PEBP4: variants seen among roughly 807,000 people sequenced by gnomAD.
The protein encoded by PEBP4 is phosphatidylethanolamine-binding protein 4.
Under a neutral mutation model 23.9 loss-of-function variants are expected in PEBP4, and 22 were observed. The ratio of observed to expected loss-of-function variants is 0.92; its 90% CI spans 0.66 to 1.31. The LOEUF (loss-of-function observed/expected upper bound fraction) is 1.31. Among genes scored for constraint, PEBP4 ranks in the 40% most tolerant of loss-of-function variants. The pLI is 0.00. For missense variants in PEBP4, 324 were observed against 281.7 expected (o/e 1.15, Z -1.07); for synonymous variants, 112 against 99.3 (o/e 1.13, Z -0.76).
intron 3 of PEBP4, among the ~76,000 whole-genome samples, chr8:22,860,659 T>C (rs886666179): frequency 6.6e-6 from 1 of 152,186 alleles, no homozygotes; most frequent in African/African-American, 2.4e-5. Context: ...TCTGACTCTA[T>C]CTTCAAAGCT....
intron 4 of PEBP4, among the ~76,000 whole-genome samples, chr8:22,792,638 C>T (rs572543022): frequency 9.2e-5 from 14 of 152,080 alleles, no homozygotes; most frequent in Non-Finnish European, 2.1e-4. Context: ...TGATAGGTAG[C>T]AAATTTCGTT....
chr8:22,762,657 G>A (rs1009306220), intron 4 of PEBP4, among the ~76,000 whole-genome samples: 6 of 152,130 alleles, frequency 3.9e-5, no homozygotes, highest in African/African-American at 7.2e-5. Flanking sequence ...GCAAGTCTCC[G>A]AGAGGTAGAA....
At chr8:22,933,752 T>C (rs1809496314) in intron 1 of PEBP4, among the ~76,000 whole-genome samples, 1 of 152,196 alleles carries the variant, frequency 6.6e-6, no homozygotes, top group Non-Finnish European at 1.5e-5. Flanking sequence ...TTGTTTGAGG[T>C]AAACACACAG....
intron 2 of PEBP4, among the ~76,000 whole-genome samples, chr8:22,924,102 C>T (rs1809271916): frequency 6.6e-6 from 1 of 152,146 alleles, no homozygotes; most frequent in Admixed American, 6.5e-5. Context: ...GCAGTGCATG[C>T]CTGTAATACC....
chr8:22,819,185 T>A (rs1160956771), intron 3 of PEBP4, among the ~76,000 whole-genome samples: 2 of 151,802 alleles, frequency 1.3e-5, no homozygotes. Context: ...TAAAACATGC[T>A]ACAATTGAGA....
chr8:22,867,682 A>G (rs953627296), intron 3 of PEBP4, among the ~76,000 whole-genome samples: 1 of 152,202 alleles, frequency 6.6e-6, no homozygotes, highest in Non-Finnish European at 1.5e-5. Context: ...TTCAGTGCAC[A>G]GAATGCAGAC....
At chr8:22,829,535 A>G (rs1807038131) in intron 3 of PEBP4, among the ~76,000 whole-genome samples, 1 of 151,624 alleles carries the variant, frequency 6.6e-6, no homozygotes, top group South Asian at 2.1e-4. Context: ...AAGGCTTGCA[A>G]CTCCCCAGTG....
At chr8:22,926,135 C>G (rs1809324956) in intron 2 of PEBP4, among the ~76,000 whole-genome samples, 1 of 150,372 alleles carries the variant, frequency 6.7e-6, no homozygotes, top group African/African-American at 2.4e-5. Context: ...GCCACCATGC[C>G]CGGCTAATTT....
Position 22,860,209 on chromosome 8 carries a change from C to CACAT in PEBP4, c.259-42475_259-42474insATGT, listed in dbSNP as rs1807746604. Among the ~76,000 whole-genome samples the CACAT allele has an allele frequency of 4.7e-5, 5 of 106,184 alleles. 1 individual carries two copies. Among genetic ancestry groups the CACAT allele is most frequent in the African/African-American group, 1.2e-4 (3 of 24,196 alleles). The allele number at this position is 106,184 out of a possible 152,430, so 69.7% of individuals were successfully genotyped here. ...ATATATATGTATATATATATATACA[C>CACAT]ATATATGTATATATATATATGGTGC... On this transcript the variant is annotated intron_variant, in intron 3 of 6. Transcript: ENST00000256404.
At chr8:22,818,679 A>C (rs1019431895) in intron 3 of PEBP4, among the ~76,000 whole-genome samples, 1 of 152,096 alleles carries the variant, frequency 6.6e-6, no homozygotes, top group Admixed American at 6.5e-5. Flanking sequence ...TTGGCTGCTG[A>C]GTAGAAAATG....
intron 3 of PEBP4, chr8:22,884,303 A>C (rs940734636): frequency 6.6e-6 from 1 of 152,240 alleles, no homozygotes; most frequent in Non-Finnish European, 1.5e-5. Context: ...CCCCAAATCT[A>C]TGAGATAGAC....
chr8:22,930,763 G>C (rs918167163), upstream of PEBP4, among the ~76,000 whole-genome samples: 8 of 152,072 alleles, frequency 5.3e-5, no homozygotes, highest in Admixed American at 4.6e-4. Flanking sequence ...GGGATTTTCA[G>C]GACTTTGATT....
At chr8:22,854,349 T>A (rs935759102) in intron 3 of PEBP4, among the ~76,000 whole-genome samples, 35 of 152,204 alleles carry the variant, frequency 2.3e-4, no homozygotes, top group African/African-American at 8.0e-4. Context: ...TCACTACATA[T>A]CTGCTTCTGG....
intron 3 of PEBP4, among the ~76,000 whole-genome samples, chr8:22,918,198 C>T (rs1240002074): frequency 6.6e-6 from 1 of 152,188 alleles, no homozygotes; most frequent in Non-Finnish European, 1.5e-5. Context: ...CTCTCTGAAT[C>T]TGCCTTCTCA....
At chr8:22,806,122 C>T (rs1806489829) in intron 4 of PEBP4, among the ~76,000 whole-genome samples, 1 of 152,182 alleles carries the variant, frequency 6.6e-6, no homozygotes, top group Non-Finnish European at 1.5e-5. Flanking sequence ...TCTGACATGC[C>T]AGATCTTCCC....
chr8:22,782,710 G>A (rs1299139914), intron 4 of PEBP4, among the ~76,000 whole-genome samples: 2 of 152,184 alleles, frequency 1.3e-5, no homozygotes, highest in South Asian at 4.1e-4. Context: ...CCTAGGGAGA[G>A]CCCGACCACT....
intron 4 of PEBP4, 70 bp downstream of exon 4, chr8:22,817,567 A>G: frequency 1.4e-6 from 2 of 1,391,446 alleles, no homozygotes; most frequent in South Asian, 1.2e-5. Flanking sequence ...GAGAGGTGGG[A>G]ACTGCACTGA....
At chr8:22,765,148 C>CCTTCCTTCCTTT (rs1434476242) in intron 4 of PEBP4, among the ~76,000 whole-genome samples, 1 of 149,340 alleles carries the variant, frequency 6.7e-6, no homozygotes, top group Non-Finnish European at 1.5e-5. Flanking sequence ...TTCCTTCCTT[C>CCTTCCTTCCTTT]CTTTCTTTCT....
chr8:22,809,649 G>A (rs1806575523), intron 4 of PEBP4, among the ~76,000 whole-genome samples: 1 of 152,132 alleles, frequency 6.6e-6, no homozygotes, highest in African/African-American at 2.4e-5. Context: ...TCTTTTATGA[G>A]GACTGCATGA....
Sources: allele counts gnomAD v4.1 joint callset (sites outside exome capture counted in the v4.1 genomes callset), GRCh38; gene constraint gnomAD v4.1.1; transcripts MANE v1.5; gene names NCBI Gene and HGNC (gene_info 2026-07-23, HGNC 2026-07-21).